The following ELAPOR2 variants were observed in gnomAD, a reference collection of about 807,000 sequenced individuals.
The protein encoded by ELAPOR2 is endosome/lysosome-associated apoptosis and autophagy regulator family member 2.
In ELAPOR2, 89 loss-of-function variants were observed where a neutral mutation model predicts 120.7. The observed-to-expected ratio is 0.74, with a 90% CI of 0.62 to 0.88. The LOEUF (loss-of-function observed/expected upper bound fraction) is 0.88, where lower values mean the gene tolerates loss of function less well. Among genes scored for constraint, ELAPOR2 ranks in the 40% least tolerant of loss-of-function variants. The pLI, the probability that ELAPOR2 is intolerant of heterozygous loss-of-function variation, is 0.00. For missense variants in ELAPOR2, 1,134 were observed against 1,251.6 expected (o/e 0.91, Z 1.42); for synonymous variants, 444 against 444.9 (o/e 1.00, Z 0.03).
chr7:86,938,119 C>T lies in ELAPOR2; in HGVS notation c.1089+7G>A, dbSNP rs749326181. On this transcript the variant is annotated splice_region_variant and intron_variant, in intron 8 of 21. Transcript: ENST00000450689. ...ATGGGATGGAGTTGATGCAACACTG[C>T]TGGTACCTTTCCTTCTTCATCACAT... The T allele has an allele frequency of 6.5e-7, 1 of 1,547,244 alleles. No individual in the cohort carries two copies. Among genetic ancestry groups the T allele is most frequent in the South Asian group, 1.2e-5 (1 of 83,948 alleles).
At chr7:87,014,834 C>T (rs1489469244) in intron 1 of ELAPOR2, among the ~76,000 whole-genome samples, 1 of 151,908 alleles carries the variant, frequency 6.6e-6, no homozygotes, top group East Asian at 1.9e-4. Flanking sequence ...AAAACAACTG[C>T]TATGGGAGGA....
intron 1 of ELAPOR2, among the ~76,000 whole-genome samples, chr7:87,048,097 A>T (rs1795006001): frequency 6.6e-6 from 1 of 152,168 alleles, no homozygotes; most frequent in Admixed American, 6.5e-5. Context: ...TACAAAAATT[A>T]GCTGGGCATG....
chr7:86,902,896 G>C (rs1006960630), intron 18 of ELAPOR2, among the ~76,000 whole-genome samples: 1 of 152,098 alleles, frequency 6.6e-6, no homozygotes, highest in African/African-American at 2.4e-5. Context: ...TTTCCTGGAT[G>C]TGTGACAAGA....
chr7:86,946,886 AAC>A (rs1257156630), intron 3 of ELAPOR2, among the ~76,000 whole-genome samples: 1 of 152,218 alleles, frequency 6.6e-6, no homozygotes, highest in African/African-American at 2.4e-5. Flanking sequence ...TTTTACTTAA[AAC>A]ACACACTCTC....
intron 1 of ELAPOR2, among the ~76,000 whole-genome samples, chr7:86,977,477 C>A (rs1053410524): frequency 6.6e-6 from 1 of 152,150 alleles, no homozygotes; most frequent in African/African-American, 2.4e-5. Flanking sequence ...AATCTCTCCC[C>A]GTATCTCTCA....
intron 2 of ELAPOR2, among the ~76,000 whole-genome samples, chr7:86,956,719 T>G (rs1043438351): frequency 6.6e-5 from 10 of 152,164 alleles, no homozygotes; most frequent in South Asian, 2.1e-4. Context: ...GCTTCTTGAC[T>G]TCAATGTTTG....
chr7:86,993,190 C>T (rs867888797), intron 1 of ELAPOR2, among the ~76,000 whole-genome samples: 7 of 138,210 alleles, frequency 5.1e-5, no homozygotes, highest in African/African-American at 1.7e-4. Flanking sequence ...GAGCCAAGAT[C>T]GCACCACCGT....
At chr7:86,926,715 T>G (rs199769338) in intron 9 of ELAPOR2, 21 bp downstream of exon 9, 1 of 1,587,794 alleles carries the variant, frequency 6.3e-7, no homozygotes. Flanking sequence ...GGCCCAGTTA[T>G]TGGACCAATT....
intron 1 of ELAPOR2, among the ~76,000 whole-genome samples, chr7:86,973,237 G>A (rs1285668897): frequency 6.6e-6 from 1 of 152,098 alleles, no homozygotes; most frequent in Non-Finnish European, 1.5e-5. Context: ...ATCTTGGATT[G>A]CATAAAATGC....
At chr7:86,897,228 C>T (rs918579869) in intron 19 of ELAPOR2, among the ~76,000 whole-genome samples, 3 of 151,972 alleles carry the variant, frequency 2.0e-5, no homozygotes, top group African/African-American at 7.3e-5. Context: ...TTATGTAAAT[C>T]ACATCTTGGT....
At chr7:87,000,804 T>A (rs1369641207) in intron 1 of ELAPOR2, among the ~76,000 whole-genome samples, 3 of 152,134 alleles carry the variant, frequency 2.0e-5, no homozygotes, top group Non-Finnish European at 4.4e-5. Context: ...TGGTGTGTCC[T>A]ACAAAGAGAG....
chr7:87,056,924 C>G (rs961988690), intron 1 of ELAPOR2, among the ~76,000 whole-genome samples: 4 of 152,096 alleles, frequency 2.6e-5, no homozygotes, highest in African/African-American at 9.7e-5. Flanking sequence ...TTCAAAATGG[C>G]CTATAGCTTT....
At chr7:87,053,767 G>A (rs958646979) in intron 1 of ELAPOR2, among the ~76,000 whole-genome samples, 2 of 152,148 alleles carry the variant, frequency 1.3e-5, no homozygotes, top group East Asian at 1.9e-4. Flanking sequence ...TAGGTCAGGA[G>A]GCTTCCTCTG....
Position 86,938,197 on chromosome 7 carries a change from A to G in ELAPOR2, c.1018T>C (p.Cys340Arg), listed in dbSNP as rs1790645858. The G allele has an allele frequency of 2.6e-6, 4 of 1,549,980 alleles. No individual in the cohort carries two copies. In the African/African-American group the frequency reaches 4.1e-5, roughly 16 times the overall value. Reference sequence around the variant, plus strand: ...GTGGTACAGGGAGGGCGCTCTGTACACTCACTGGATCCTTCCTCTGCAACA... The same window carrying G: ...GTGGTACAGGGAGGGCGCTCTGTACGCTCACTGGATCCTTCCTCTGCAACA... ...SQFSEEGSSE[C>R]TERPPCTTKD... Residue 340 changes from cysteine (C) to arginine (R), a missense_variant, in exon 8 of 22, where the codon TGT becomes CGT. Around this residue, in one of 3 missense-constraint regions of ELAPOR2, gnomAD observed 831 missense variants for 867.6 expected, o/e 0.96. Transcript: ENST00000450689.
chr7:86,968,320 C>T (rs935904934), intron 1 of ELAPOR2, among the ~76,000 whole-genome samples: 3 of 152,092 alleles, frequency 2.0e-5, no homozygotes, highest in Non-Finnish European at 4.4e-5. Context: ...ATTTCTCATA[C>T]AAATAGAAAA....
intron 18 of ELAPOR2, among the ~76,000 whole-genome samples, chr7:86,898,698 G>T (rs1788565266): frequency 6.6e-6 from 1 of 152,036 alleles, no homozygotes; most frequent in South Asian, 2.1e-4. Context: ...GAATGAACAG[G>T]TATGATTAAT....
At chr7:87,019,259 G>C (rs1338137821) in intron 1 of ELAPOR2, among the ~76,000 whole-genome samples, 2 of 152,066 alleles carry the variant, frequency 1.3e-5, no homozygotes, top group Non-Finnish European at 2.9e-5. Flanking sequence ...AACCTCCCAG[G>C]CTTAAGCCAT....
intron 14 of ELAPOR2, 67 bp downstream of exon 14, chr7:86,912,874 G>C: frequency 1.9e-6 from 3 of 1,546,630 alleles, no homozygotes; most frequent in Admixed American, 1.7e-5. Flanking sequence ...AAACATTAAG[G>C]AGAACGCTTG....
intron 1 of ELAPOR2, among the ~76,000 whole-genome samples, chr7:87,034,427 C>T (rs1794517131): frequency 6.6e-6 from 1 of 151,494 alleles, no homozygotes; most frequent in African/African-American, 2.4e-5. Flanking sequence ...TTTATTGCTG[C>T]ATTTTTCTGG....
Sources: gnomAD v4.1 joint callset for allele counts (sites outside exome capture counted in the v4.1 genomes callset) on GRCh38, gnomAD v4.1.1 for gene constraint, gnomAD v4.1.1 regional missense constraint, MANE v1.5 for transcripts, NCBI Gene and HGNC (gene_info 2026-07-23, HGNC 2026-07-21) for gene names.